The following MEGF10 variants were observed in gnomAD, a reference collection of about 807,000 sequenced individuals.
MEGF10 encodes the protein multiple EGF like domains 10, also known as multiple epidermal growth factor-like domains protein 10.
A neutral mutation model predicts 147.5 loss-of-function variants in MEGF10; 86 were observed. That is an observed-to-expected ratio of 0.58 (90% CI 0.49 to 0.70). The LOEUF (loss-of-function observed/expected upper bound fraction) is 0.70. MEGF10 is among the 30% of genes least tolerant of loss of function. MEGF10 has a pLI of 0.00. For missense variants in MEGF10, 1,329 were observed against 1,487.3 expected, an observed-to-expected ratio of 0.89 and a Z score of 1.75; for synonymous variants, 478 against 525.5, an observed-to-expected ratio of 0.91 and a Z score of 1.24.
intron 19 of MEGF10, chr5:127,445,138 GC>G: frequency 3.7e-6 from 1 of 270,842 alleles, no homozygotes; most frequent in Non-Finnish European, 7.0e-6. Context: ...TGCTATGTTG[GC>G]CAGGCTGGTC....
chr5:127,239,594 T>G, the MEGF10 span, among the ~76,000 whole-genome samples: 2 of 151,560 alleles, frequency 1.3e-5, no homozygotes, highest in Non-Finnish European at 2.9e-5. Context: ...TGTAGTACTC[T>G]CATGACTTTT....
At chr5:127,408,134 C>G (rs1160128715) in intron 8 of MEGF10, among the ~76,000 whole-genome samples, 2 of 152,072 alleles carry the variant, frequency 1.3e-5, no homozygotes, top group African/African-American at 4.8e-5. Flanking sequence ...AAGTCTCTGC[C>G]AAGATATGAT....
Position 127,397,335 on chromosome 5 carries a change from T to C in MEGF10, c.659+557T>C, listed in dbSNP as rs577145322. On this transcript the variant is annotated intron_variant, in intron 6 of 24. Transcript: ENST00000503335. ...TGCTTTGTGAATGTGAAGATATATGTATTACATCTATGTAGATTTTGTGCA... is the reference window on the plus strand; with the variant it reads ...TGCTTTGTGAATGTGAAGATATATGCATTACATCTATGTAGATTTTGTGCA... Among the ~76,000 whole-genome samples, 13 of 152,376 alleles carry C rather than the reference T, an allele frequency of 8.5e-5. No homozygotes were observed. In the South Asian group the frequency reaches 2.5e-3, roughly 29 times the overall value.
chr5:127,287,638 T>G (rs1592890), upstream of MEGF10, among the ~76,000 whole-genome samples: 77,481 of 151,754 alleles, frequency 0.51, 19,869 homozygotes, highest in Middle Eastern at 0.7. Context: ...AATCGATATT[T>G]TTATGTCAGT....
intron 5 of MEGF10, among the ~76,000 whole-genome samples, chr5:127,389,961 A>G (rs575114419): frequency 4.0e-5 from 6 of 151,610 alleles, no homozygotes; most frequent in South Asian, 2.1e-4. Flanking sequence ...TGAACCTGGC[A>G]TGATGTAAAT....
intron 13 of MEGF10, chr5:127,424,435 A>G: frequency 9.3e-7 from 1 of 1,072,720 alleles, no homozygotes; most frequent in Non-Finnish European, 1.4e-6. Flanking sequence ...TTTAATGGAG[A>G]TTGAATCTAT....
intron 2 of MEGF10, among the ~76,000 whole-genome samples, chr5:127,336,868 T>G (rs1761492118): frequency 6.6e-6 from 1 of 152,126 alleles, no homozygotes; most frequent in South Asian, 2.1e-4. Context: ...TCATAGGTGA[T>G]GTAGGACTGT....
the MEGF10 span, among the ~76,000 whole-genome samples, chr5:127,284,354 C>T: frequency 2.0e-5 from 3 of 152,108 alleles, no homozygotes; most frequent in Non-Finnish European, 2.9e-5. Context: ...GCTGTGTACA[C>T]ACAAGAGCTT....
intron 1 of MEGF10, among the ~76,000 whole-genome samples, chr5:127,314,661 A>C (rs938270319): frequency 6.6e-6 from 1 of 152,244 alleles, no homozygotes; most frequent in Non-Finnish European, 1.5e-5. Flanking sequence ...GGAGGCTTAC[A>C]TGTTGGACTA....
chr5:127,438,410 G>A, intron 16 of MEGF10, 29 bp from the exon 17 acceptor site: 1 of 1,611,250 alleles, frequency 6.2e-7, no homozygotes, highest in Non-Finnish European at 8.5e-7. Context: ...TCAGAACTCT[G>A]ATGGACTTCT....
chr5:127,347,133 G>C (rs1326978861), intron 4 of MEGF10, among the ~76,000 whole-genome samples: 1 of 151,962 alleles, frequency 6.6e-6, no homozygotes, highest in Non-Finnish European at 1.5e-5. Flanking sequence ...CATTAGGGAT[G>C]CTCCACCTGC....
At chr5:127,424,736 T>G (rs1023996913) in intron 13 of MEGF10, 1 of 189,182 alleles carries the variant, frequency 5.3e-6, no homozygotes, top group African/African-American at 2.4e-5. Context: ...CCATCTTGAC[T>G]TGCAAAACCT....
intron 5 of MEGF10, among the ~76,000 whole-genome samples, chr5:127,377,580 A>T (rs890598212): frequency 6.6e-6 from 1 of 152,240 alleles, no homozygotes; most frequent in Non-Finnish European, 1.5e-5. Context: ...AGGAACACTG[A>T]TAACCTTTTG....
At chr5:127,389,305 G>A (rs1023151200) in intron 5 of MEGF10, among the ~76,000 whole-genome samples, 1 of 152,210 alleles carries the variant, frequency 6.6e-6, no homozygotes, top group Non-Finnish European at 1.5e-5. Flanking sequence ...GTTGGGAAAA[G>A]GGAATACCCT....
chr5:127,396,690 T>C lies in MEGF10; in HGVS notation c.571T>C (p.Cys191Arg), dbSNP rs755877624. 4.0e-5 allele frequency: 64 copies of C among 1,613,970 alleles called. No homozygotes were observed. Among genetic ancestry groups the C allele is most frequent in the Non-Finnish European group, 5.3e-5 (62 of 1,180,030 alleles). The change falls in exon 6 of 25, where the codon TGT becomes CGT. Residue 191 changes from cysteine (C) to arginine (R), a missense_variant. Cys to Arg is a radical substitution (Grantham distance 180). Transcript: ENST00000503335. ...RCEQGTYGND[C>R]HQRCQCQNGA... ...TGAGCAGGGCACCTATGGTAACGAC[T>C]GTCATCAGAGATGCCAGTGCCAGAA... is the stretch of plus-strand genomic sequence containing the variant.
chr5:127,411,007 T>G (rs1291062221), intron 9 of MEGF10, among the ~76,000 whole-genome samples: 1 of 152,100 alleles, frequency 6.6e-6, no homozygotes, highest in African/African-American at 2.4e-5. Context: ...GCAGCATCTT[T>G]TATTCGACAG....
intron 1 of MEGF10, among the ~76,000 whole-genome samples, chr5:127,326,365 G>C (rs1017592670): frequency 1.3e-5 from 2 of 152,142 alleles, no homozygotes; most frequent in South Asian, 4.1e-4. Flanking sequence ...AGTAAATATA[G>C]CACTTGTACT....
At chr5:127,360,648 C>T (rs1220751455) in intron 4 of MEGF10, among the ~76,000 whole-genome samples, 3 of 151,818 alleles carry the variant, frequency 2.0e-5, no homozygotes. Context: ...TGAGGAAACG[C>T]CCTTCTGTTT....
At position 127,420,101 on chromosome 5, in the gene MEGF10, G is replaced by C. The variant is rs769365693; in HGVS notation, c.1484G>C (p.Cys495Ser). The part of the protein sequence containing the change: ...RCPSGTWGFG[C>S]NLTCQCLNGG... ...CCCAGTGGCACATGGGGCTTTGGCT[G>C]TAACTTAACATGCCAGTGCCTCAAC... The change falls in exon 12 of 25, where the codon TGT becomes TCT. Residue 495 changes from cysteine to serine, a missense_variant. This residue lies in a region of MEGF10 where 980 missense variants were observed against 1,085.9 expected (regional missense o/e 0.90). Transcript: ENST00000503335. 1.2e-6 allele frequency: 2 copies of C among 1,614,236 alleles called. No individual in the cohort carries two copies. The highest frequency in any genetic ancestry group is 2.2e-5 in the South Asian group (2 of 91,090).
Sources: gnomAD v4.1 joint callset for allele counts (sites outside exome capture counted in the v4.1 genomes callset) on GRCh38, gnomAD v4.1.1 for gene constraint, gnomAD v4.1.1 regional missense constraint, MANE v1.5 for transcripts, NCBI Gene and HGNC (gene_info 2026-07-23, HGNC 2026-07-21) for gene names.